Variants in GSN observed in about 807,000 individuals in gnomAD.
The protein encoded by GSN is actin-depolymerizing factor.
A neutral mutation model predicts 85.7 loss-of-function variants in GSN; 56 were observed. That is an observed-to-expected ratio of 0.65 (90% CI 0.53 to 0.82). The LOEUF (loss-of-function observed/expected upper bound fraction) is 0.82, where lower values mean the gene tolerates loss of function less well. GSN is among the 40% of genes least tolerant of loss of function. The pLI, the probability that GSN is intolerant of heterozygous loss-of-function variation, is 0.00. For synonymous variants in GSN, 373 were observed against 399.1 expected (o/e 0.93, Z 0.78); for missense variants, 857 against 979.8 (o/e 0.87, Z 1.67).
At chr9:121,288,413 G>A (rs2058361668) in intron 2 of GSN, among the ~76,000 whole-genome samples, 1 of 152,166 alleles carries the variant, frequency 6.6e-6, no homozygotes, top group African/African-American at 2.4e-5. Flanking sequence ...TGGGCACGTG[G>A]GAGGCTGGTA....
chr9:121,314,911 C>T (rs1260943871), intron 7 of GSN, among the ~76,000 whole-genome samples: 1 of 152,160 alleles, frequency 6.6e-6, no homozygotes, highest in Non-Finnish European at 1.5e-5. Flanking sequence ...ACCCAGGCTG[C>T]AGTACAATGG....
intron 4 of GSN, among the ~76,000 whole-genome samples, chr9:121,305,086 A>C (rs982440443): frequency 1.3e-4 from 20 of 152,152 alleles, no homozygotes; most frequent in African/African-American, 4.8e-4. Flanking sequence ...CAAATATGAG[A>C]GTTCTCATAT....
chr9:121,320,513 C>T (rs1186381618), intron 10 of GSN, among the ~76,000 whole-genome samples: 2 of 152,032 alleles, frequency 1.3e-5, no homozygotes, highest in African/African-American at 2.4e-5. Context: ...GCCATGGTGG[C>T]AGGCACCTGT....
At chr9:121,204,217 C>T (rs142906361), upstream of GSN, among the ~76,000 whole-genome samples, 1 of 152,208 alleles carries the variant, frequency 6.6e-6, no homozygotes, top group African/African-American at 2.4e-5. Flanking sequence ...CTATATTTAC[C>T]CCATTTTATG....
At position 121,302,133 on chromosome 9, in the gene GSN, C is replaced by G. The variant is rs146365204; in HGVS notation, c.162C>G (p.Asn54Lys). 3 of 1,614,158 alleles carry G rather than the reference C, an allele frequency of 1.9e-6. No homozygotes were observed. In the Admixed American group the frequency reaches 5.0e-5, roughly 27 times the overall value. The change falls in exon 3 of 18, where the codon AAC becomes AAG. Residue 54 changes from asparagine (N) to lysine (K), a missense_variant. Coordinates refer to ENST00000432226, the MANE Select transcript of GSN (RefSeq NM_198252.3). Reference sequence around the variant, plus strand: ...TCCTGAAGACAGTGCAGCTGAGGAACGGAAATCTGCAGTATGACCTCCACT... The same window carrying G: ...TCCTGAAGACAGTGCAGCTGAGGAAGGGAAATCTGCAGTATGACCTCCACT... ...YVILKTVQLR[N>K]GNLQYDLHYW...
chr9:121,298,473 C>T (rs1466140961), intron 2 of GSN, among the ~76,000 whole-genome samples: 1 of 152,136 alleles, frequency 6.6e-6, no homozygotes, highest in Non-Finnish European at 1.5e-5. Flanking sequence ...AAACTTCAGC[C>T]TCATTAGATA....
chr9:121,327,745 G>A (rs1019158014), intron 14 of GSN, among the ~76,000 whole-genome samples: 6 of 152,166 alleles, frequency 3.9e-5, no homozygotes, highest in Non-Finnish European at 7.3e-5. Context: ...AGGCTAAGGC[G>A]GGCGGATCAC....
At chr9:121,210,281 C>T (rs1330740369) in exon 3 of GSN, 2 of 152,122 alleles carry the variant, frequency 1.3e-5, no homozygotes, top group Admixed American at 6.5e-5. Flanking sequence ...CTCTCCGTTT[C>T]TCTCTCTGGA....
intron 5 of GSN, among the ~76,000 whole-genome samples, chr9:121,235,650 A>T (rs1588452231): frequency 6.6e-6 from 1 of 152,206 alleles, no homozygotes; most frequent in Non-Finnish European, 1.5e-5. Flanking sequence ...TCTCTTCTGC[A>T]TCGGTGCAGC....
intron 1 of GSN, among the ~76,000 whole-genome samples, chr9:121,279,619 G>GGGTGGAT (rs1464661585): frequency 6.6e-6 from 1 of 152,084 alleles, no homozygotes; most frequent in Admixed American, 6.5e-5. Context: ...CTGGTCCACC[G>GGGTGGAT]GGTGGATGGT....
intron 6 of GSN, 51 bp downstream of exon 6, chr9:121,312,539 C>A: frequency 7.0e-7 from 1 of 1,438,098 alleles, no homozygotes. Context: ...CTGCTCATGA[C>A]TTTCTTCTGT....
At chr9:121,264,006 C>CATGGGGATT (rs2055144971), upstream of GSN, among the ~76,000 whole-genome samples, 1 of 151,822 alleles carries the variant, frequency 6.6e-6, no homozygotes, top group Admixed American at 6.6e-5. Flanking sequence ...TTCCTTGACA[C>CATGGGGATT]ATGGGGATTA....
intron 5 of GSN, among the ~76,000 whole-genome samples, chr9:121,242,491 GA>G (rs1414845709): frequency 8.1e-6 from 1 of 124,038 alleles, no homozygotes; most frequent in East Asian, 3.2e-4. Flanking sequence ...AATGGGGCTA[GA>G]CAGGGGAAAG....
intron 2 of GSN, chr9:121,284,277 C>T (rs1043416464): frequency 1.2e-5 from 2 of 167,114 alleles, no homozygotes; most frequent in African/African-American, 4.8e-5. Flanking sequence ...TTTGGTTCTT[C>T]CACATCAGGG....
chr9:121,247,027 T>A (rs141441485), intron 5 of GSN, among the ~76,000 whole-genome samples: 226 of 152,272 alleles, frequency 1.5e-3, no homozygotes, highest in African/African-American at 5.2e-3. Flanking sequence ...AATAGGCATC[T>A]ATATAGTTGA....
chr9:121,321,411 T>G lies in GSN; in HGVS notation c.1325+10T>G, dbSNP rs765753483. The G allele has an allele frequency of 1.9e-6, 3 of 1,612,864 alleles. No homozygotes were observed. The South Asian group carries it at 3.3e-5, about 18-fold the overall frequency. ...AGATAATCTATAACTGGTGAGGTTC[T>G]GGGGCCATTGGTGTGTGTCGTGGGG... is the stretch of plus-strand genomic sequence containing the variant. On this transcript the variant is annotated intron_variant, in intron 11 of 17. Coordinates refer to ENST00000432226, the MANE Select transcript of GSN (RefSeq NM_198252.3).
intron 2 of GSN, among the ~76,000 whole-genome samples, chr9:121,287,948 ATTG>A (rs893283570): frequency 2.3e-4 from 35 of 151,714 alleles, no homozygotes; most frequent in African/African-American, 8.2e-4. Context: ...TTGTTGTTTT[ATTG>A]TTGTATTTTT....
At chr9:121,319,103 G>T (rs1044718714) in intron 10 of GSN, among the ~76,000 whole-genome samples, 1 of 152,242 alleles carries the variant, frequency 6.6e-6, no homozygotes, top group Admixed American at 6.5e-5. Flanking sequence ...GGTCTGGGAG[G>T]GGAGTTGACC....
At chr9:121,249,642 T>C (rs1436673677) in intron 6 of GSN, among the ~76,000 whole-genome samples, 2 of 152,220 alleles carry the variant, frequency 1.3e-5, no homozygotes, top group Non-Finnish European at 2.9e-5. Flanking sequence ...TTCTCCTTTC[T>C]GGTTTGGGCA....
Sources: allele counts gnomAD v4.1 joint callset (sites outside exome capture counted in the v4.1 genomes callset), GRCh38; gene constraint gnomAD v4.1.1; transcripts MANE v1.5; gene names NCBI Gene and HGNC (gene_info 2026-07-23, HGNC 2026-07-21).